Variants in DNAH9 observed in about 807,000 individuals in gnomAD.
DNAH9 encodes DNAH9 variant protein.
Under a neutral mutation model 471.6 loss-of-function variants are expected in DNAH9, and 345 were observed. The observed-to-expected ratio is 0.73, with a 90% CI of 0.67 to 0.80. The LOEUF (loss-of-function observed/expected upper bound fraction) is 0.80. Ranked by LOEUF, DNAH9 falls within the 30% of genes least tolerant of loss-of-function variation. The pLI, the probability that DNAH9 is intolerant of heterozygous loss-of-function variation, is 0.00. For missense variants in DNAH9, 5,407 were observed against 5,609.2 expected (o/e 0.96, Z 1.15); for synonymous variants, 2,093 against 2,123.6 (o/e 0.99, Z 0.40).
In DNAH9 at chr17:11,693,985, G is replaced by A. The variant is rs1186330478; in HGVS notation, c.4732G>A (p.Asp1578Asn). 2 of 1,614,074 alleles carry A rather than the reference G, an allele frequency of 1.2e-6. No individual in the cohort carries two copies. The highest frequency in any genetic ancestry group is 4.5e-5 in the East Asian group (2 of 44,874). The stretch of plus-strand genomic sequence containing the variant: ...GCCAGGCCTGTATGAAAAGCTGGAG[G>A]ATATTCAGGGCAGGTGAGGGTCCGC... ...NKPGLYEKLEDIQGRLCLCEK... is the reference protein window; with the variant it reads ...NKPGLYEKLENIQGRLCLCEK... The change falls in exon 21 of 69, where the codon GAT becomes AAT. Residue 1578 changes from aspartate (D) to asparagine (N), a missense_variant. Asp to Asn is a conservative substitution (Grantham distance 23). Around this residue, in one of 3 missense-constraint regions of DNAH9, gnomAD observed 4,636 missense variants for 4,900.3 expected, o/e 0.95. Transcript: ENST00000262442.
At chr17:11,674,201 T>C (rs779731930) in intron 17 of DNAH9, among the ~76,000 whole-genome samples, 6 of 152,190 alleles carry the variant, frequency 3.9e-5, no homozygotes, top group Non-Finnish European at 8.8e-5. Flanking sequence ...GTAAGAACTC[T>C]TATATGTGAT....
chr17:11,620,932 C>T (rs556190234), intron 6 of DNAH9, among the ~76,000 whole-genome samples: 10 of 152,228 alleles, frequency 6.6e-5, no homozygotes, highest in East Asian at 3.9e-4. Context: ...TGAAGTACTA[C>T]GGTGAGAAGA....
At chr17:11,930,129 A>T in intron 63 of DNAH9, 36 bp downstream of exon 63, 1 of 1,558,162 alleles carries the variant, frequency 6.4e-7, no homozygotes, top group Non-Finnish European at 8.8e-7. Flanking sequence ...ACAGCAGCAC[A>T]CCTCACAGTC....
At chr17:11,637,667 T>G (rs893073110) in intron 9 of DNAH9, among the ~76,000 whole-genome samples, 4 of 152,110 alleles carry the variant, frequency 2.6e-5, no homozygotes, top group Non-Finnish European at 4.4e-5. Flanking sequence ...TTGCACATAG[T>G]GGGTGCTCAA....
intron 35 of DNAH9, among the ~76,000 whole-genome samples, chr17:11,759,138 G>A (rs1239952225): frequency 7.9e-6 from 1 of 126,288 alleles, no homozygotes; most frequent in African/African-American, 2.9e-5. Context: ...AGTTTTATTT[G>A]TATAGATTTA....
At chr17:11,778,329 C>CAAAGAA (rs1567795708) in intron 38 of DNAH9, among the ~76,000 whole-genome samples, 5 of 48,636 alleles carry the variant, frequency 1.0e-4, no homozygotes, top group African/African-American at 2.5e-4. Context: ...GACTCCATCT[C>CAAAGAA]AAAAAAAAAA....
intron 35 of DNAH9, among the ~76,000 whole-genome samples, chr17:11,760,386 C>T (rs991483397): frequency 5.3e-5 from 8 of 152,094 alleles, no homozygotes; most frequent in Non-Finnish European, 1.2e-4. Context: ...GCATGTGTGC[C>T]GGTGCATGCA....
At chr17:11,601,182 T>G (rs1402881014) in intron 1 of DNAH9, among the ~76,000 whole-genome samples, 1 of 152,242 alleles carries the variant, frequency 6.6e-6, no homozygotes, top group East Asian at 1.9e-4. Context: ...TATACCACAT[T>G]TCTAAAAAAT....
At chr17:11,797,078 C>T (rs1200429371) in intron 42 of DNAH9, among the ~76,000 whole-genome samples, 2 of 152,240 alleles carry the variant, frequency 1.3e-5, no homozygotes, top group South Asian at 2.1e-4. Context: ...TGGCTAGTAG[C>T]GCATTCTTCA....
intron 68 of DNAH9, among the ~76,000 whole-genome samples, chr17:11,964,732 C>T (rs1242469871): frequency 6.6e-6 from 1 of 152,138 alleles, no homozygotes; most frequent in Non-Finnish European, 1.5e-5. Context: ...CCATCTCAAC[C>T]CAACCCCTAG....
intron 48 of DNAH9, among the ~76,000 whole-genome samples, chr17:11,825,174 C>A (rs1417475580): frequency 1.3e-5 from 2 of 152,120 alleles, no homozygotes; most frequent in Admixed American, 1.3e-4. Flanking sequence ...AGGAGTTTAC[C>A]TTTGCTATAG....
intron 50 of DNAH9, among the ~76,000 whole-genome samples, chr17:11,859,750 C>T (rs754200319): frequency 1.3e-5 from 2 of 152,126 alleles, no homozygotes; most frequent in Non-Finnish European, 2.9e-5. Context: ...GGAGGTCCCA[C>T]ACTCTTTTAA....
At chr17:11,652,633 T>C (rs1385181361) in intron 13 of DNAH9, 128 bp from the exon 14 acceptor site, 1 of 898,444 alleles carries the variant, frequency 1.1e-6, no homozygotes, top group African/African-American at 1.7e-5. Context: ...CTGACGATAA[T>C]GAAGTTACCT....
rs3074845 is a variant in DNAH9 at position 11,960,435 on chromosome 17, TAAA to T, written c.12844-1407_12844-1405del. On this transcript the variant is annotated intron_variant, in intron 67 of 68. Transcript: ENST00000262442. ...TGGGTGACAGAGCAAGACTCTGTCT[TAAA>T]AAAAAAAAAAAAAAAAAAAAAAAAT... 9.3e-3 allele frequency among the ~76,000 whole-genome samples: 501 copies of T among 54,038 alleles called. 16 individuals carry two copies. The highest frequency in any genetic ancestry group is 0.037 in the African/African-American group (477 of 12,810). The allele number at this position is 54,038 out of a possible 152,430, so 35.5% of individuals were successfully genotyped here.
rs1374229637 is a variant in DNAH9 at position 11,695,359 on chromosome 17, T to TA, written c.4872+913dup. Among the ~76,000 whole-genome samples, 4 of 152,284 alleles carry TA rather than the reference T, an allele frequency of 2.6e-5. No individual in the cohort carries two copies. The East Asian group carries it at 7.7e-4, about 29-fold the overall frequency. On this transcript the variant is annotated intron_variant, in intron 22 of 68. Coordinates refer to ENST00000262442, the MANE Select transcript of DNAH9 (RefSeq NM_001372.4). ...TGATTCTGAAGAAAGATCCAGGAAA[T>TA]ACTGGCCAAACTCGATAGCTAAAAT...
intron 38 of DNAH9, among the ~76,000 whole-genome samples, chr17:11,772,225 A>AGT: frequency 8.1e-6 from 1 of 124,040 alleles, no homozygotes; most frequent in Non-Finnish European, 1.5e-5. Flanking sequence ...TACTAAATAG[A>AGT]ATAATAATTT....
At chr17:11,927,875 T>C (rs904734235) in intron 62 of DNAH9, among the ~76,000 whole-genome samples, 8 of 152,190 alleles carry the variant, frequency 5.3e-5, no homozygotes, top group Admixed American at 5.2e-4. Context: ...CTCCTAGACC[T>C]GCCCAGTAGC....
At position 11,738,958 on chromosome 17, in the gene DNAH9, T is replaced by C. The variant is rs1194981416; in HGVS notation, c.5893T>C (p.Ser1965Pro). The C allele has an allele frequency of 6.2e-7, 1 of 1,614,092 alleles. No homozygotes were observed. Among genetic ancestry groups the C allele is most frequent in the East Asian group, 2.2e-5 (1 of 44,886 alleles). Residue 1965 changes from serine to proline, a missense_variant, in exon 29 of 69, where the codon TCT (serine) becomes CCT (proline). By Grantham distance (74) the Ser-to-Pro change is moderately conservative. This residue lies in a region of DNAH9 where 4,636 missense variants were observed against 4,900.3 expected (regional missense o/e 0.95). Transcript: ENST00000262442. Reference protein sequence around the residue: ...FLGEEISLNPSVGIFITMNPG... With the variant: ...FLGEEISLNPPVGIFITMNPG... ...TGGGGAGGAGATCAGCCTGAATCCT[T>C]CTGTCGGTATCTTCATCACCATGAA...
At chr17:11,608,043 C>A in intron 1 of DNAH9, 86 bp from the exon 2 acceptor site, 1 of 1,080,270 alleles carries the variant, frequency 9.3e-7, no homozygotes, top group Non-Finnish European at 1.3e-6. Context: ...TTGTATATAG[C>A]TTTATAAGCC....
Sources: gnomAD v4.1 joint callset for allele counts (sites outside exome capture counted in the v4.1 genomes callset) on GRCh38, gnomAD v4.1.1 for gene constraint, gnomAD v4.1.1 regional missense constraint, MANE v1.5 for transcripts, NCBI Gene and HGNC (gene_info 2026-07-23, HGNC 2026-07-21) for gene names.